Variants in AKR1D1 observed in about 807,000 individuals in gnomAD.
AKR1D1 encodes the protein aldo-keto reductase family 1 member D1.
A neutral mutation model predicts 42.6 loss-of-function variants in AKR1D1; 32 were observed. The ratio of observed to expected loss-of-function variants is 0.75; its 90% CI spans 0.57 to 1.01. The LOEUF is 1.01. AKR1D1 is among the 50% of genes least tolerant of loss of function. AKR1D1 has a pLI of 0.00. For synonymous variants in AKR1D1, 123 were observed against 135.5 expected (o/e 0.91, Z 0.64); for missense variants, 364 against 402.2 (o/e 0.91, Z 0.81).
At chr7:138,096,212 A>C (rs1289974567) in intron 3 of AKR1D1, among the ~76,000 whole-genome samples, 1 of 152,028 alleles carries the variant, frequency 6.6e-6, no homozygotes, top group Non-Finnish European at 1.5e-5. Context: ...TCTCAAAAAC[A>C]AACAAACAAC....
In AKR1D1 at chr7:138,106,760, G is replaced by A. The variant is rs754012632; in HGVS notation, c.689+43G>A. ...AAGCATTTCCTTTGGTGTAGAGTGT[G>A]AGGCTCATGTGAACTACTGTATTTG... is the stretch of plus-strand genomic sequence containing the variant. On this transcript the variant is annotated intron_variant, in intron 6 of 8. Coordinates refer to ENST00000242375, the MANE Select transcript of AKR1D1 (RefSeq NM_005989.4). 4 of 1,455,306 alleles carry A rather than the reference G, an allele frequency of 2.7e-6. No homozygotes were observed. The African/African-American group carries it at 5.6e-5, about 20-fold the overall frequency. The allele number at this position is 1,455,306 out of a possible 1,614,324, so 90.1% of individuals were successfully genotyped here.
At chr7:138,114,380 T>C (rs1794592814) in intron 8 of AKR1D1, among the ~76,000 whole-genome samples, 1 of 152,070 alleles carries the variant, frequency 6.6e-6, no homozygotes, top group African/African-American at 2.4e-5. Context: ...AAAAAGAATA[T>C]AGTTTTGGCC....
chr7:138,101,209 C>T (rs1427838163), intron 4 of AKR1D1, among the ~76,000 whole-genome samples: 2 of 104,736 alleles, frequency 1.9e-5, no homozygotes, highest in Admixed American at 2.5e-4. Flanking sequence ...TCCTTCCTTC[C>T]TTCCTTCCTT....
rs1794636695 is a variant in AKR1D1, at chr7:138,116,563, C to G, written c.939-57C>G. Reference sequence around the variant, plus strand: ...AAATTCTCAAAGGATGCTATTGAAACATACAGCTGTGCAATTTTTGAGTGA... The same window carrying G: ...AAATTCTCAAAGGATGCTATTGAAAGATACAGCTGTGCAATTTTTGAGTGA... On this transcript the variant is annotated intron_variant, in intron 8 of 8. Transcript: ENST00000242375. 4 of 1,592,782 alleles carry G rather than the reference C, an allele frequency of 2.5e-6. No homozygotes were observed. In the Admixed American group the frequency reaches 5.0e-5, roughly 20 times the overall value.
At chr7:138,114,318 C>T (rs1263497280) in intron 8 of AKR1D1, among the ~76,000 whole-genome samples, 2 of 152,134 alleles carry the variant, frequency 1.3e-5, no homozygotes, top group African/African-American at 4.8e-5. Flanking sequence ...ATGTCAAGTT[C>T]AGCTAACCAA....
Position 138,076,673 on chromosome 7 carries a change from T to C in AKR1D1, c.93+62T>C, listed in dbSNP as rs59586431. The C allele has an allele frequency of 1.3e-3, 1,717 of 1,353,800 alleles. 15 individuals carry two copies. The African/African-American group carries it at 0.016, about 13-fold the overall frequency. The allele number at this position is 1,353,800 out of a possible 1,614,324, so 83.9% of individuals were successfully genotyped here. A position where few individuals can be genotyped will look rare whatever the true frequency, so the allele number is the denominator to read the frequency against. ...TTTCTTTTAACATTTGCCTATAGCA[T>C]AATCTGCAATTTATTTTAAGCAGAT... On this transcript the variant is annotated intron_variant, in intron 1 of 8. Transcript: ENST00000242375.
intron 3 of AKR1D1, among the ~76,000 whole-genome samples, chr7:138,095,969 G>A (rs1444227335): frequency 6.6e-6 from 1 of 151,890 alleles, no homozygotes; most frequent in African/African-American, 2.4e-5. Flanking sequence ...GGGAGGCCAA[G>A]GCAGGTGGAT....
At chr7:138,098,784 G>T (rs1371154659) in intron 4 of AKR1D1, among the ~76,000 whole-genome samples, 1 of 152,100 alleles carries the variant, frequency 6.6e-6, no homozygotes, top group Non-Finnish European at 1.5e-5. Context: ...TAGAGGTGGT[G>T]TGGCAGCTCC....
chr7:138,080,258 C>A (rs972872833), intron 1 of AKR1D1, among the ~76,000 whole-genome samples: 1 of 152,122 alleles, frequency 6.6e-6, no homozygotes, highest in Non-Finnish European at 1.5e-5. Context: ...TTAATAGAGA[C>A]GAGGTATCTC....
chr7:138,091,665 CAAAAAA>C, intron 2 of AKR1D1, 97 bp from the exon 3 acceptor site: 1 of 766,394 alleles, frequency 1.3e-6, no homozygotes, highest in Non-Finnish European at 2.2e-6. Context: ...CCCCCCATCT[CAAAAAA>C]AAAAAATGTG....
intron 1 of AKR1D1, among the ~76,000 whole-genome samples, chr7:138,087,416 T>C (rs1242560773): frequency 2.0e-5 from 3 of 152,232 alleles, no homozygotes; most frequent in African/African-American, 7.2e-5. Flanking sequence ...GAACAGGATA[T>C]GCTCATTCTT....
intron 8 of AKR1D1, among the ~76,000 whole-genome samples, chr7:138,115,840 G>A (rs770699757): frequency 1.3e-5 from 2 of 152,038 alleles, no homozygotes; most frequent in Non-Finnish European, 2.9e-5. Context: ...CATCATCATC[G>A]TCATAATCAT....
At chr7:138,089,704 C>A (rs1360778014) in intron 2 of AKR1D1, among the ~76,000 whole-genome samples, 2 of 152,162 alleles carry the variant, frequency 1.3e-5, no homozygotes, top group African/African-American at 4.8e-5. Flanking sequence ...TCAATATGGG[C>A]TGTATGTAAT....
At position 138,118,178 on chromosome 7, in the gene AKR1D1, T is replaced by A. The variant is rs1020853680; in HGVS notation, c.*1516T>A. ...CCTCAAGACATATATTTTTGAGAAA[T>A]TATCATTTTAAAAAATTTGGTCTAT... is the stretch of plus-strand genomic sequence containing the variant. On this transcript the variant is annotated 3_prime_UTR_variant, in exon 9 of 9. Transcript: ENST00000242375. Among the ~76,000 whole-genome samples the A allele has an allele frequency of 1.3e-5, 2 of 152,206 alleles. No individual in the cohort carries two copies. Among genetic ancestry groups the A allele is most frequent in the African/African-American group, 4.8e-5 (2 of 41,440 alleles).
At chr7:138,111,711 G>T (rs1794540237) in intron 7 of AKR1D1, among the ~76,000 whole-genome samples, 1 of 152,182 alleles carries the variant, frequency 6.6e-6, no homozygotes, top group South Asian at 2.1e-4. Context: ...TGTAGAGAGG[G>T]TGAATTTGAA....
Position 138,088,606 on chromosome 7 carries a change from T to A in AKR1D1, c.99T>A (p.Pro33=). Residue 33 remains proline (P), a synonymous_variant, in exon 2 of 9, where the codon CCT becomes CCA. Coordinates refer to ENST00000242375, the MANE Select transcript of AKR1D1 (RefSeq NM_005989.4). ...CAACCTCTTTGTCACTTCAGACCCC[T>A]AAGGGAGCCTGTGCAACATCGGTGA... is the stretch of plus-strand genomic sequence containing the variant. ...LGTYSEPKST[P]KGACATSVKV... 1 of 1,614,180 alleles carries A rather than the reference T, an allele frequency of 6.2e-7. No individual in the cohort carries two copies. Among genetic ancestry groups the A allele is most frequent in the Non-Finnish European group, 8.5e-7 (1 of 1,179,994 alleles).
At chr7:138,114,996 T>G (rs548726019) in intron 8 of AKR1D1, among the ~76,000 whole-genome samples, 1 of 152,132 alleles carries the variant, frequency 6.6e-6, no homozygotes, top group Non-Finnish European at 1.5e-5. Context: ...AGGGGGAAAA[T>G]TGTTTGACAT....
chr7:138,105,287 T>A lies in AKR1D1; in HGVS notation c.457-20T>A. The A allele has an allele frequency of 6.2e-7, 1 of 1,614,130 alleles. No homozygotes were observed. The highest frequency in any genetic ancestry group is 1.1e-5 in the South Asian group (1 of 91,086). ...TTCTTGTGAGGCTTGTTTGTTGACC[T>A]GTGGACATTTACTCTACAGGCGATG... On this transcript the variant is annotated intron_variant, in intron 4 of 8. Coordinates refer to ENST00000242375, the MANE Select transcript of AKR1D1 (RefSeq NM_005989.4).
chr7:138,100,076 G>A (rs1345628641), intron 4 of AKR1D1, among the ~76,000 whole-genome samples: 4 of 65,028 alleles, frequency 6.2e-5, no homozygotes, highest in East Asian at 5.9e-4. Context: ...GCAATATAGC[G>A]AGATTTCATC....
Sources: allele counts gnomAD v4.1 joint callset (sites outside exome capture counted in the v4.1 genomes callset), GRCh38; gene constraint gnomAD v4.1.1; transcripts MANE v1.5; gene names NCBI Gene and HGNC (gene_info 2026-07-23, HGNC 2026-07-21).